Variants in PCED1B observed in about 807,000 individuals in gnomAD.
The protein encoded by PCED1B is PC-esterase domain containing 1B.
For missense variants in PCED1B, 573 were observed against 573.9 expected (o/e 1.00, Z 0.02); for synonymous variants, 251 against 246.1 (o/e 1.02, Z -0.19).
At chr12:47,197,238 CAAA>C (rs57095369) in intron 2 of PCED1B, among the ~76,000 whole-genome samples, 1,046 of 58,650 alleles carry the variant, frequency 0.018, 7 homozygotes, top group African/African-American at 0.051. Context: ...GACTCTGTCT[CAAA>C]AAAAAAAAAA....
intron 1 of PCED1B, among the ~76,000 whole-genome samples, chr12:47,103,534 T>C (rs1477304783): frequency 2.6e-5 from 4 of 152,254 alleles, no homozygotes; most frequent in Non-Finnish European, 5.9e-5. Flanking sequence ...TGTGTTTACA[T>C]GCCATGTAGC....
chr12:47,218,681 T>C (rs1943379602), intron 3 of PCED1B, among the ~76,000 whole-genome samples: 1 of 150,854 alleles, frequency 6.6e-6, no homozygotes, highest in African/African-American at 2.4e-5. Context: ...TTTTTTTTTT[T>C]TTTTTTAGAG....
chr12:47,224,549 A>T (rs1943577989), intron 3 of PCED1B, among the ~76,000 whole-genome samples: 1 of 152,216 alleles, frequency 6.6e-6, no homozygotes, highest in African/African-American at 2.4e-5. Flanking sequence ...ACCCACAGTG[A>T]TTCCTTCCTC....
At chr12:47,192,391 G>A (rs1942472554) in intron 2 of PCED1B, among the ~76,000 whole-genome samples, 1 of 152,168 alleles carries the variant, frequency 6.6e-6, no homozygotes, top group Admixed American at 6.5e-5. Context: ...AGTAAGCAAA[G>A]TGAAATTGTA....
At chr12:47,166,264 G>A (rs1045845039) in intron 2 of PCED1B, among the ~76,000 whole-genome samples, 4 of 152,168 alleles carry the variant, frequency 2.6e-5, no homozygotes, top group Non-Finnish European at 4.4e-5. Context: ...CCCAATAATT[G>A]TAATTTTTCA....
At chr12:47,181,343 G>T (rs1179660951) in intron 2 of PCED1B, among the ~76,000 whole-genome samples, 2 of 151,124 alleles carry the variant, frequency 1.3e-5, no homozygotes, top group African/African-American at 2.4e-5. Flanking sequence ...ATATTAGAAA[G>T]AATATTAGAA....
intron 2 of PCED1B, among the ~76,000 whole-genome samples, chr12:47,173,402 C>T (rs778617115): frequency 2.0e-5 from 3 of 152,002 alleles, no homozygotes; most frequent in Non-Finnish European, 2.9e-5. Context: ...TAGAAGCGCC[C>T]GCCACCACGC....
In PCED1B at chr12:47,231,897, C is replaced by T. The variant is rs145428470; in HGVS notation, c.-57-3110C>T. Among the ~76,000 whole-genome samples the T allele has an allele frequency of 6.1e-3, 935 of 152,228 alleles. 7 individuals are homozygous for T. Among genetic ancestry groups the T allele is most frequent in the Admixed American group, 9.2e-3 (141 of 15,298 alleles). ...TGAAAACACAATAGGAAAGGGTTTC[C>T]GTCTTCACATTTTGCACTTTGGAGA... On this transcript the variant is annotated intron_variant, in intron 3 of 3. Transcript: ENST00000546455.
chr12:47,228,495 T>G (rs1943701810), intron 3 of PCED1B, among the ~76,000 whole-genome samples: 1 of 152,192 alleles, frequency 6.6e-6, no homozygotes, highest in African/African-American at 2.4e-5. Flanking sequence ...GAGAAGATCC[T>G]TCTTCTATTA....
chr12:47,129,726 C>T (rs936703074), intron 2 of PCED1B, among the ~76,000 whole-genome samples: 5 of 152,152 alleles, frequency 3.3e-5, no homozygotes, highest in Admixed American at 6.6e-5. Context: ...AGTCCAATCA[C>T]CTGTGACTAT....
At chr12:47,213,081 T>A (rs1037791290) in intron 2 of PCED1B, among the ~76,000 whole-genome samples, 7 of 152,252 alleles carry the variant, frequency 4.6e-5, no homozygotes, top group African/African-American at 2.4e-5. Context: ...AATCACTGAT[T>A]TGGCTTTTCT....
At position 47,129,892 on chromosome 12, in the gene PCED1B, C is replaced by G. The variant is rs1018463295; in HGVS notation, c.-526+25697C>G. Among the ~76,000 whole-genome samples, 8 of 152,264 alleles carry G rather than the reference C, an allele frequency of 5.3e-5. No individual in the cohort carries two copies. The South Asian group carries it at 1.2e-3, about 24-fold the overall frequency. On this transcript the variant is annotated intron_variant, in intron 2 of 3. Transcript: ENST00000546455. The stretch of plus-strand genomic sequence containing the variant: ...CACACTGATTGGACTTGCATGGCTT[C>G]AAATGAAGAAAAATTTTCTTATAAT...
At chr12:47,183,123 C>G (rs1453944436) in intron 2 of PCED1B, among the ~76,000 whole-genome samples, 1 of 151,970 alleles carries the variant, frequency 6.6e-6, no homozygotes, top group Non-Finnish European at 1.5e-5. Flanking sequence ...TATCTGATAT[C>G]TTGGGAGTGT....
chr12:47,213,447 C>A (rs986598247), intron 2 of PCED1B, among the ~76,000 whole-genome samples: 1 of 152,130 alleles, frequency 6.6e-6, no homozygotes, highest in African/African-American at 2.4e-5. Flanking sequence ...CACATACACA[C>A]ACGAGCCAGC....
intron 2 of PCED1B, among the ~76,000 whole-genome samples, chr12:47,181,369 C>A (rs1473533042): frequency 7.4e-6 from 1 of 135,036 alleles, no homozygotes; most frequent in Non-Finnish European, 1.6e-5. Flanking sequence ...TAGATTCTTT[C>A]ATTATTTTTT....
chr12:47,109,342 A>G (rs1451530356), intron 2 of PCED1B, among the ~76,000 whole-genome samples: 2 of 126,378 alleles, frequency 1.6e-5, no homozygotes, highest in Non-Finnish European at 3.3e-5. Context: ...ACACATTACA[A>G]GTACTTGAAA....
At chr12:47,190,073 A>G (rs1233806197) in intron 2 of PCED1B, among the ~76,000 whole-genome samples, 2 of 152,262 alleles carry the variant, frequency 1.3e-5, no homozygotes, top group African/African-American at 2.4e-5. Flanking sequence ...ATCTCTAGGT[A>G]TAAATTCTAC....
intron 2 of PCED1B, among the ~76,000 whole-genome samples, chr12:47,133,797 A>G (rs1940230843): frequency 1.3e-5 from 2 of 152,186 alleles, no homozygotes; most frequent in African/African-American, 4.8e-5. Flanking sequence ...TTATATATTG[A>G]AATCCTAACC....
intron 3 of PCED1B, among the ~76,000 whole-genome samples, chr12:47,227,265 G>A (rs1281171143): frequency 2.0e-5 from 3 of 151,986 alleles, no homozygotes; most frequent in African/African-American, 7.2e-5. Context: ...TCCACCTCCC[G>A]GGTTCAAGCG....
Sources: gnomAD v4.1 joint callset for allele counts (sites outside exome capture counted in the v4.1 genomes callset) on GRCh38, gnomAD v4.1.1 for gene constraint, MANE v1.5 for transcripts, NCBI Gene and HGNC (gene_info 2026-07-23, HGNC 2026-07-21) for gene names.